Variants in CARNS1 observed in about 807,000 individuals in gnomAD.
CARNS1 encodes the protein ATP-grasp domain containing 1.
CARNS1 carries 61 observed loss-of-function variants against 74.0 expected under a neutral mutation model. The ratio of observed to expected loss-of-function variants is 0.82; its 90% CI spans 0.67 to 1.02. CARNS1 has a LOEUF of 1.02. CARNS1 is among the 50% of genes least tolerant of loss of function. The probability of loss-of-function intolerance (pLI) is 0.00; values close to 1 mark genes in which losing one functional copy is unlikely to be tolerated. For missense variants in CARNS1, 1,278 were observed against 1,308.4 expected (o/e 0.98, Z 0.36); for synonymous variants, 568 against 605.5 (o/e 0.94, Z 0.91).
Position 67,416,186 on chromosome 11 carries a change from A to G in CARNS1, c.-14A>G, listed in dbSNP as rs1590955999. 1 of 1,527,010 alleles carries G rather than the reference A, an allele frequency of 6.5e-7. No individual in the cohort carries two copies. Among genetic ancestry groups the G allele is most frequent in the Non-Finnish European group, 8.8e-7 (1 of 1,137,940 alleles). 94.6% of individuals were successfully genotyped at this position (1,527,010 alleles called of 1,614,324 possible). A position where few individuals can be genotyped will look rare whatever the true frequency, so the allele number is the denominator to read the frequency against. On this transcript the variant is annotated 5_prime_UTR_variant, in exon 2 of 10. Transcript: ENST00000687366. ...TGTCTCTGCCATCAGTCTCTCAGCC[A>G]CTCCACCCACGAGATGGTGAGTCTT... is the stretch of plus-strand genomic sequence containing the variant.
Position 67,423,815 on chromosome 11 carries a change from G to A in CARNS1, c.2067G>A (p.Glu689=). Residue 689 remains glutamate, a synonymous_variant, in exon 10 of 10, where the codon GAG becomes GAA. Transcript: ENST00000687366. This position sits in a 1 kb window ranked among gnomAD's most constrained non-coding sequence, Gnocchi z 5.1. ...GTGCAGTGGGTGTCCGGCTGGTAGA[G>A]GATGCGCCACAGTGCCATGAGCACT... ...GAGAVGVRLV[E]DAPQCHEHFS... 6.2e-7 allele frequency: 1 copy of A among 1,608,620 alleles called. No homozygotes were observed.
At chr11:67,419,353 C>CTGCCCTGCCCCATCTCTGGGGCAA in intron 5 of CARNS1, 110 bp downstream of exon 5, 2 of 1,472,510 alleles carry the variant, frequency 1.4e-6, no homozygotes, top group Non-Finnish European at 1.8e-6. Flanking sequence ...AGCCCTGCCG[C>CTGCCCTGCCCCATCTCTGGGGCAA]TGCCCTGCCC....
rs771808400 is a variant in CARNS1 at position 67,418,892 on chromosome 11, C to T, written c.501C>T (p.Val167=). The T allele has an allele frequency of 3.6e-5, 57 of 1,597,064 alleles. 1 individual carries two copies. The East Asian group carries it at 3.6e-4, about 10-fold the overall frequency. The change falls in exon 5 of 10, where the codon GTC becomes GTT. Residue 167 remains valine, a synonymous_variant. Transcript: ENST00000687366. The part of the protein sequence containing the change: ...PGGLTFLDDF[V]PPRRATYFLA... ...GCCTGACATTCCTGGATGACTTTGTCCCCCCGCGCCGTGCCACCTACTTTT... is the reference window on the plus strand; with the variant it reads ...GCCTGACATTCCTGGATGACTTTGTTCCCCCGCGCCGTGCCACCTACTTTT...
At chr11:67,421,332 G>A (rs1652435513) in intron 9 of CARNS1, 113 bp downstream of exon 9, 2 of 1,186,300 alleles carry the variant, frequency 1.7e-6, no homozygotes, top group Admixed American at 4.2e-5. Context: ...GACCAGCCGC[G>A]CTAGAGGCGG....
rs1474586078 is a variant in CARNS1, at chr11:67,418,774, T to G, written c.383T>G (p.Leu128Arg). The G allele has an allele frequency of 6.3e-7, 1 of 1,597,592 alleles. No homozygotes were observed. Among genetic ancestry groups the G allele is most frequent in the South Asian group, 1.1e-5 (1 of 88,678 alleles). ...CCCACAGGAAACATGCTCCTTTGCC[T>G]GTCCCCTGCTTGGCTGATGAAGGTG... ...VQSPGNMLLC[L>R]SPAWLMKVPA... is the part of the protein sequence containing the mutation. The change falls in exon 5 of 10, where the codon CTG becomes CGG. Residue 128 changes from leucine to arginine, a missense_variant. Physicochemically the swap from Leu to Arg is moderately radical, Grantham distance 102. This residue lies in a region of CARNS1 where 1,164 missense variants were observed against 1,156.5 expected (regional missense o/e 1.01). Coordinates refer to ENST00000687366, the MANE Select transcript of CARNS1 (RefSeq NM_001166222.2).
intron 2 of CARNS1, chr11:67,416,424 G>A: frequency 7.2e-7 from 1 of 1,391,596 alleles, no homozygotes; most frequent in Non-Finnish European, 9.3e-7. Flanking sequence ...CCCTCAGGGA[G>A]CTCACCTTCT....
chr11:67,417,010 T>A (rs1261576261), intron 2 of CARNS1: 2 of 1,003,536 alleles, frequency 2.0e-6, no homozygotes, highest in Non-Finnish European at 1.2e-6. Context: ...CATCTACTCT[T>A]CAGTCAACAA....
Position 67,424,285 on chromosome 11 carries a change from G to A in CARNS1, c.2537G>A (p.Arg846His), listed in dbSNP as rs1590964046. The change falls in exon 10 of 10, where the codon CGT becomes CAT. Residue 846 changes from arginine to histidine, a missense_variant. By Grantham distance (29) the Arg-to-His change is conservative (BLOSUM62 0). This residue lies in a region of CARNS1 where 1,164 missense variants were observed against 1,156.5 expected (regional missense o/e 1.01). Transcript: ENST00000687366. ...LAAVMVACGL[R>H]PALPTRPRAR... ...GCTGTTATGGTGGCCTGTGGCTTGC[G>A]TCCTGCCCTGCCCACCCGCCCACGT... The A allele has an allele frequency of 5.0e-6, 8 of 1,612,606 alleles. No homozygotes were observed. The highest frequency in any genetic ancestry group is 2.2e-5 in the East Asian group (1 of 44,880).
At position 67,423,638 on chromosome 11, in the gene CARNS1, C is replaced by T. The variant is rs1238363458; in HGVS notation, c.1890C>T (p.Thr630=). 1 of 1,608,296 alleles carries T rather than the reference C, an allele frequency of 6.2e-7. No homozygotes were observed. The change falls in exon 10 of 10, where the codon ACC becomes ACT. Residue 630 remains threonine (T), a synonymous_variant. Transcript: ENST00000687366. The surrounding 1 kb of genome is among the most constrained non-coding windows in gnomAD (Gnocchi z 5.1). ...AMRLAKQKSL[T]QLHLLHHHGP... is the part of the protein sequence containing the mutation. ...GCCTGGCTAAGCAGAAGAGCCTCAC[C>T]CAGCTGCACCTGTTGCACCACCATG...
Position 67,421,146 on chromosome 11 carries a change from A to G in CARNS1, c.1553A>G (p.Gln518Arg), listed in dbSNP as rs1220823315. The G allele has an allele frequency of 1.9e-5, 28 of 1,491,336 alleles. No homozygotes were observed. The highest frequency in any genetic ancestry group is 2.3e-5 in the Admixed American group (1 of 44,444). 92.4% of individuals were successfully genotyped at this position (1,491,336 alleles called of 1,614,324 possible). A position where few individuals can be genotyped will look rare whatever the true frequency, so the allele number is the denominator to read the frequency against. Residue 518 changes from glutamine (Q) to arginine (R), a missense_variant, in exon 9 of 10, where the codon CAG (glutamine) becomes CGG (arginine). Transcript: ENST00000687366. ...GCGCGCTGCCTCATGGAGGGAAAAC[A>G]GCTGCTGGTGGTCGGCGCTGGCGGC... ...RSARCLMEGK[Q>R]LLVVGAGGVS...
At position 67,418,841 on chromosome 11, in the gene CARNS1, C is replaced by T; in HGVS notation, c.450C>T (p.Ser150=). The change falls in exon 5 of 10, where the codon TCC becomes TCT. Residue 150 remains serine (S), a synonymous_variant. Transcript: ENST00000687366. Reference sequence around the variant, plus strand: ...CGGGTGAGGCAGCCCTGCTAGTCTCCAAGGCTGTGAGCTTCCACCCTGGGG... The same window carrying T: ...CGGGTGAGGCAGCCCTGCTAGTCTCTAAGGCTGTGAGCTTCCACCCTGGGG... ...GQPGEAALLV[S]KAVSFHPGGL... is the part of the protein sequence containing the mutation. The T allele has an allele frequency of 6.2e-7, 1 of 1,600,996 alleles. No individual in the cohort carries two copies. The highest frequency in any genetic ancestry group is 1.3e-5 in the African/African-American group (1 of 74,734).
chr11:67,422,108 G>A (rs1411930483), intron 9 of CARNS1, among the ~76,000 whole-genome samples: 1 of 147,268 alleles, frequency 6.8e-6, no homozygotes, highest in African/African-American at 2.5e-5. Flanking sequence ...TCCTGACCTC[G>A]TGATCCACCC....
chr11:67,424,282 T>G lies in CARNS1; in HGVS notation c.2534T>G (p.Leu845Trp). The change falls in exon 10 of 10, where the codon TTG becomes TGG. Residue 845 changes from leucine to tryptophan, a missense_variant. Transcript: ENST00000687366. ...LLAAVMVACGLRPALPTRPRA... is the reference protein window; with the variant it reads ...LLAAVMVACGWRPALPTRPRA... ...GCTGCTGTTATGGTGGCCTGTGGCT[T>G]GCGTCCTGCCCTGCCCACCCGCCCA... 1 of 1,612,928 alleles carries G rather than the reference T, an allele frequency of 6.2e-7. No homozygotes were observed. The highest frequency in any genetic ancestry group is 1.1e-5 in the South Asian group (1 of 91,012).
In CARNS1 at chr11:67,419,785, C is replaced by A. The variant is rs749115581; in HGVS notation, c.1060C>A (p.Arg354=). The change falls in exon 7 of 10, where the codon CGA becomes AGA. Residue 354 remains arginine, a synonymous_variant. Coordinates refer to ENST00000687366, the MANE Select transcript of CARNS1 (RefSeq NM_001166222.2). ...TTCACCCGGCCCCGGCCTGGCCGTG[C>A]GAATCTGTGCTGTGGTGTGTCGGAC... ...GPSPGPGLAV[R]ICAVVCRTQG... is the part of the protein sequence containing the mutation. The A allele has an allele frequency of 2.5e-6, 4 of 1,603,934 alleles. No individual in the cohort carries two copies. The highest frequency in any genetic ancestry group is 3.4e-6 in the Non-Finnish European group (4 of 1,175,702).
rs1863805625 is a variant in CARNS1, at chr11:67,425,346, TAGGCCCCC to T, written c.*746_*753del. On this transcript the variant is annotated 3_prime_UTR_variant, in exon 10 of 10. Coordinates refer to ENST00000687366, the MANE Select transcript of CARNS1 (RefSeq NM_001166222.2). ...AAGTCTTACATGCCCATTCAGCTTC[TAGGCCCCC>T]CTCACCTCCCTGCCCTCATTCACAA... 1 of 318,326 alleles carries T rather than the reference TAGGCCCCC, an allele frequency of 3.1e-6. No individual in the cohort carries two copies. 19.7% of individuals were successfully genotyped at this position (318,326 alleles called of 1,614,324 possible). A position where few individuals can be genotyped will look rare whatever the true frequency, so the allele number is the denominator to read the frequency against.
Position 67,419,806 on chromosome 11 carries a change from C to G in CARNS1, c.1081C>G (p.Arg361Gly). ...LAVRICAVVC[R>G]TQGDRPLLSK... ...CGTGCGAATCTGTGCTGTGGTGTGT[C>G]GGACACAGGGTGATAGGCCACTGCT... The change falls in exon 7 of 10, where the codon CGG becomes GGG. Residue 361 changes from arginine (R) to glycine (G), a missense_variant. Transcript: ENST00000687366. 1 of 1,598,630 alleles carries G rather than the reference C, an allele frequency of 6.3e-7. No homozygotes were observed. Among genetic ancestry groups the G allele is most frequent in the Non-Finnish European group, 8.5e-7 (1 of 1,173,084 alleles).
chr11:67,418,569 C>G, intron 4 of CARNS1, 49 bp downstream of exon 4: 1 of 1,483,406 alleles, frequency 6.7e-7, no homozygotes, highest in Non-Finnish European at 9.0e-7. Context: ...AAAGGGCAGC[C>G]CTGCCCTGGC....
In CARNS1 at chr11:67,423,876, G is replaced by A. The variant is rs765090299; in HGVS notation, c.2128G>A (p.Asp710Asn). 1.9e-5 allele frequency: 31 copies of A among 1,613,390 alleles called. No homozygotes were observed. The highest frequency in any genetic ancestry group is 6.7e-5 in the Admixed American group (4 of 60,032). Residue 710 changes from aspartate to asparagine, a missense_variant, in exon 10 of 10, where the codon GAC becomes AAC. This residue lies in a region of CARNS1 where 1,164 missense variants were observed against 1,156.5 expected (regional missense o/e 1.01). Coordinates refer to ENST00000687366, the MANE Select transcript of CARNS1 (RefSeq NM_001166222.2). The surrounding 1 kb of genome is among the most constrained non-coding windows in gnomAD (Gnocchi z 5.1). ...TACCCGAGACTTGCAGGGCGAGGCC[G>A]ACCACCCAGGCATTGGGCTGGGCTG... ...RITRDLQGEA[D>N]HPGIGLGWGN...
intron 7 of CARNS1, 126 bp from the exon 8 acceptor site, chr11:67,420,483 C>A (rs1362125883): frequency 8.0e-6 from 4 of 501,618 alleles, no homozygotes; most frequent in African/African-American, 7.9e-5. Flanking sequence ...ATTTAAGACA[C>A]GTTGGAGGAC....
Sources: gnomAD v4.1 joint callset for allele counts (sites outside exome capture counted in the v4.1 genomes callset) on GRCh38, gnomAD v4.1.1 for gene constraint, gnomAD v4.1.1 regional missense constraint, Gnocchi (gnomAD v3.1) non-coding constraint, MANE v1.5 for transcripts, NCBI Gene and HGNC (gene_info 2026-07-23, HGNC 2026-07-21) for gene names.